Variants in PCDHA3 observed in about 807,000 individuals in gnomAD.
PCDHA3 encodes the protein protocadherin alpha-3.
PCDHA3 carries 41 observed loss-of-function variants against 62.2 expected under a neutral mutation model. That is an observed-to-expected ratio of 0.66 (90% confidence interval 0.51 to 0.86). The LOEUF (loss-of-function observed/expected upper bound fraction) is 0.86, where lower values mean the gene tolerates loss of function less well. Among genes scored for constraint, PCDHA3 ranks in the 40% least tolerant of loss-of-function variants. The pLI, the probability that PCDHA3 is intolerant of heterozygous loss-of-function variation, is 0.00. For synonymous variants in PCDHA3, 640 were observed against 555.4 expected, an observed-to-expected ratio of 1.15 and a Z score of -2.14; for missense variants, 1,304 against 1,241.2, an observed-to-expected ratio of 1.05 and a Z score of -0.76.
intron 1 of PCDHA3, chr5:140,869,538 T>C (rs536846543): frequency 1.2e-6 from 2 of 1,614,204 alleles, no homozygotes; most frequent in East Asian, 4.5e-5. Context: ...TTGCGGAATC[T>C]AAGCAATCGG....
intron 1 of PCDHA3, among the ~76,000 whole-genome samples, chr5:140,954,634 T>C (rs1366737169): frequency 6.6e-6 from 1 of 152,210 alleles, no homozygotes; most frequent in Admixed American, 6.5e-5. Flanking sequence ...GTTTTTCTTG[T>C]AAATTTGTTT....
Position 140,830,146 on chromosome 5 carries a change from C to A in PCDHA3, c.2394+26555C>A, listed in dbSNP as rs2150181875. 36 of 1,613,246 alleles carry A rather than the reference C, an allele frequency of 2.2e-5. No individual in the cohort carries two copies. The South Asian group carries it at 3.1e-4, about 14-fold the overall frequency. On this transcript the variant is annotated intron_variant, in intron 1 of 3. Coordinates refer to ENST00000522353, the MANE Select transcript of PCDHA3 (RefSeq NM_018906.3). ...AGGCGTCATCACGGGCGTCGGTGGG[C>A]GCCGCGGGCCCAGAGGCGGCGCTGG...
At chr5:140,875,580 C>G (rs1381718234) in intron 1 of PCDHA3, 7 of 1,613,958 alleles carry the variant, frequency 4.3e-6, no homozygotes, top group Admixed American at 1.7e-5. Context: ...ACTCCGTCTA[C>G]GAGGAGGCCA....
intron 1 of PCDHA3, chr5:140,869,160 C>G (rs201759355): frequency 6.2e-7 from 1 of 1,613,768 alleles, no homozygotes; most frequent in African/African-American, 1.3e-5. Flanking sequence ...TCTGGCTTCT[C>G]CTCCTCGAAT....
At position 140,848,861 on chromosome 5, in the gene PCDHA3, G is replaced by A. The variant is rs2150423051; in HGVS notation, c.2394+45270G>A. 3.1e-4 allele frequency: 495 copies of A among 1,590,730 alleles called. 45 individuals carry two copies. The highest frequency in any genetic ancestry group is 4.3e-4 in the Admixed American group (25 of 58,818). Reference sequence around the variant, plus strand: ...TGCAGGTTTTCCATGTGGACGTGGAGGTGAAGGACATTAACGACAACCCTC... The same window carrying A: ...TGCAGGTTTTCCATGTGGACGTGGAAGTGAAGGACATTAACGACAACCCTC... On this transcript the variant is annotated intron_variant, in intron 1 of 3. Coordinates refer to ENST00000522353, the MANE Select transcript of PCDHA3 (RefSeq NM_018906.3).
intron 1 of PCDHA3, among the ~76,000 whole-genome samples, chr5:140,925,941 GAGA>G (rs1554203013): frequency 7.2e-6 from 1 of 138,610 alleles, no homozygotes; most frequent in East Asian, 1.9e-4. Flanking sequence ...GAGCCTCTTG[GAGA>G]AGGAGAAACT....
intron 3 of PCDHA3, among the ~76,000 whole-genome samples, chr5:140,986,690 AAC>A (rs2097209708): frequency 6.6e-6 from 1 of 152,172 alleles, no homozygotes; most frequent in South Asian, 2.1e-4. Context: ...AAAGTTTCAA[AAC>A]ACACAGCACT....
intron 1 of PCDHA3, chr5:140,865,080 G>A (rs1166926722): frequency 6.6e-6 from 1 of 152,010 alleles, no homozygotes; most frequent in Non-Finnish European, 1.5e-5. Context: ...AAGAACCATG[G>A]GATATTAATA....
chr5:140,910,808 G>A (rs535429898), intron 1 of PCDHA3, among the ~76,000 whole-genome samples: 1 of 152,170 alleles, frequency 6.6e-6, no homozygotes, highest in South Asian at 2.1e-4. Flanking sequence ...TGCTTAGTGG[G>A]CCCAAATCAA....
At chr5:140,998,472 A>G (rs1212895520) in intron 3 of PCDHA3, among the ~76,000 whole-genome samples, 1 of 151,938 alleles carries the variant, frequency 6.6e-6, no homozygotes, top group Non-Finnish European at 1.5e-5. Context: ...TTTTCCTCCC[A>G]CTGTGCTGTA....
chr5:140,836,679 A>G (rs2150267656), intron 1 of PCDHA3: 3 of 1,613,334 alleles, frequency 1.9e-6, no homozygotes, highest in East Asian at 4.5e-5. Context: ...GGGCCCACCC[A>G]AGACAGACCT....
chr5:140,938,599 C>T (rs1554212246), intron 1 of PCDHA3, among the ~76,000 whole-genome samples: 1 of 152,048 alleles, frequency 6.6e-6, no homozygotes, highest in African/African-American at 2.4e-5. Flanking sequence ...ATAAACCAAT[C>T]TTGCATTCTT....
intron 1 of PCDHA3, chr5:140,877,589 C>T (rs1554169905): frequency 1.2e-6 from 2 of 1,613,848 alleles, no homozygotes; most frequent in Non-Finnish European, 1.7e-6. Context: ...GCCATCTGTG[C>T]GGTGTCCAGC....
Position 140,824,271 on chromosome 5 carries a change from T to C in PCDHA3, c.2394+20680T>C, listed in dbSNP as rs1428906460. 2.5e-6 allele frequency: 3 copies of C among 1,216,294 alleles called. No individual in the cohort carries two copies. The African/African-American group carries it at 4.5e-5, about 18-fold the overall frequency. 75.3% of individuals were successfully genotyped at this position (1,216,294 alleles called of 1,614,324 possible). A position where few individuals can be genotyped will look rare whatever the true frequency, so the allele number is the denominator to read the frequency against. ...ACAATTATTGCACTAATTCATGTAT[T>C]ATATGCTTTTTATGAGGCTTTTCTG... On this transcript the variant is annotated intron_variant, in intron 1 of 3. Coordinates refer to ENST00000522353, the MANE Select transcript of PCDHA3 (RefSeq NM_018906.3).
intron 1 of PCDHA3, among the ~76,000 whole-genome samples, chr5:140,903,405 G>A (rs2070271184): frequency 6.6e-6 from 1 of 152,184 alleles, no homozygotes; most frequent in Non-Finnish European, 1.5e-5. Flanking sequence ...CAGTAGTGCA[G>A]TCAGGAAAAA....
chr5:140,852,813 C>T, intron 1 of PCDHA3: 1 of 972,188 alleles, frequency 1.0e-6, no homozygotes, highest in Non-Finnish European at 1.2e-6. Context: ...TGTCTCCCGC[C>T]CTAAGTCCTC....
chr5:140,943,571 G>A (rs1164273913), intron 1 of PCDHA3, among the ~76,000 whole-genome samples: 4 of 152,152 alleles, frequency 2.6e-5, no homozygotes, highest in Admixed American at 2.6e-4. Context: ...ATTTTAATTT[G>A]TTGATCTGAG....
chr5:140,871,493 A>C lies in PCDHA3; in HGVS notation c.2394+67902A>C, dbSNP rs968230550. 1.9e-6 allele frequency: 3 copies of C among 1,588,916 alleles called. No individual in the cohort carries two copies. In the African/African-American group the frequency reaches 4.0e-5, roughly 21 times the overall value. On this transcript the variant is annotated intron_variant, in intron 1 of 3. Coordinates refer to ENST00000522353, the MANE Select transcript of PCDHA3 (RefSeq NM_018906.3). Reference sequence around the variant, plus strand: ...GAGCCAGGGTCAAATCACCCCGGACAGGTGAGTTTTCTACAGATTCCACCT... The same window carrying C: ...GAGCCAGGGTCAAATCACCCCGGACCGGTGAGTTTTCTACAGATTCCACCT...
intron 1 of PCDHA3, among the ~76,000 whole-genome samples, chr5:140,935,903 T>TTC (rs1289164766): frequency 4.6e-4 from 69 of 151,456 alleles, no homozygotes; most frequent in African/African-American, 1.6e-3. Flanking sequence ...TCTTTTTTTT[T>TTC]TTTTTTTGAG....
Sources: gnomAD v4.1 joint callset for allele counts (sites outside exome capture counted in the v4.1 genomes callset) on GRCh38, gnomAD v4.1.1 for gene constraint, MANE v1.5 for transcripts, NCBI Gene and HGNC (gene_info 2026-07-23, HGNC 2026-07-21) for gene names.